The following GSTT2B variants were observed in gnomAD, a reference collection of about 807,000 sequenced individuals.
GSTT2B encodes glutathione S-transferase theta 2B, also known as glutathione S-transferase theta-2B.
Under a neutral mutation model 16.6 loss-of-function variants are expected in GSTT2B, and 4 were observed. That is an observed-to-expected ratio of 0.24 (90% CI 0.12 to 0.55). The LOEUF (loss-of-function observed/expected upper bound fraction) is 0.55. Among genes scored for constraint, GSTT2B ranks in the 20% least tolerant of loss-of-function variants. The probability of loss-of-function intolerance (pLI) is 0.94; values close to 1 mark genes in which losing one functional copy is unlikely to be tolerated. For missense variants in GSTT2B, 27 were observed against 266.1 expected, an observed-to-expected ratio of 0.10 and a Z score of 6.25; for synonymous variants, 9 against 110.9, an observed-to-expected ratio of 0.08 and a Z score of 5.77.
intron 2 of GSTT2B, among the ~76,000 whole-genome samples, chr22:23,959,505 G>A (rs1183115607): frequency 2.0e-5 from 2 of 102,198 alleles, no homozygotes; most frequent in African/African-American, 3.0e-5. Context: ...TGCTCATCCC[G>A]GTCACACCCC....
chr22:23,960,868 A>G lies in GSTT2B; in HGVS notation c.112+152T>C, dbSNP rs1450323995. On this transcript the variant is annotated intron_variant, in intron 1 of 4. Coordinates refer to ENST00000290765, the MANE Select transcript of GSTT2B (RefSeq NM_001080843.4). ...GGTTCAGAGAGGCTGTGATCCCTCC[A>G]AGGCCACTCAGTCCACAGCATTCTC... The G allele has an allele frequency of 6.7e-6, 5 of 750,392 alleles. No homozygotes were observed. The African/African-American group carries it at 8.4e-5, about 13-fold the overall frequency. The allele number at this position is 750,392 out of a possible 1,614,324, so 46.5% of individuals were successfully genotyped here. A position where few individuals can be genotyped will look rare whatever the true frequency, so the allele number is the denominator to read the frequency against.
intron 2 of GSTT2B, among the ~76,000 whole-genome samples, chr22:23,959,873 G>A (rs188790612): frequency 2.5e-5 from 2 of 81,130 alleles, no homozygotes; most frequent in African/African-American, 7.9e-5. Flanking sequence ...CACCGCGCCC[G>A]GCCTTTTTGA....
At chr22:23,959,744 A>ACT (rs1454217025) in intron 2 of GSTT2B, among the ~76,000 whole-genome samples, 27 of 97,192 alleles carry the variant, frequency 2.8e-4, no homozygotes, top group African/African-American at 3.2e-5. Context: ...CGCCCTGCTA[A>ACT]TGTTTTGTAT....
chr22:23,960,711 A>G (rs2267048), intron 1 of GSTT2B, among the ~76,000 whole-genome samples: 32,041 of 74,512 alleles, frequency 0.43, 8,272 homozygotes, highest in Non-Finnish European at 0.54. Context: ...CCTTCTTCCC[A>G]AGGTCTTCTG....
At chr22:23,960,247 G>A in intron 2 of GSTT2B, 47 bp downstream of exon 2, 1 of 1,605,622 alleles carries the variant, frequency 6.2e-7, no homozygotes, top group Non-Finnish European at 8.5e-7. Flanking sequence ...GGAGAGCCAA[G>A]GTCACATGGG....
rs1478075653 is a variant in GSTT2B at position 23,957,455 on chromosome 22, C to CA, written c.*267dup. 2 of 322,920 alleles carry CA rather than the reference C, an allele frequency of 6.2e-6. No homozygotes were observed. Among genetic ancestry groups the CA allele is most frequent in the East Asian group, 1.0e-4 (2 of 19,930 alleles). 20.0% of individuals were successfully genotyped at this position (322,920 alleles called of 1,614,324 possible). A position where few individuals can be genotyped will look rare whatever the true frequency, so the allele number is the denominator to read the frequency against. ...TTTGGAATCTTTATTCTGTTTAAAA[C>CA]ACTGATGACATTTGCCAATTTTTGA... On this transcript the variant is annotated 3_prime_UTR_variant, in exon 5 of 5. Transcript: ENST00000290765.
At chr22:23,960,193 G>A in intron 2 of GSTT2B, 101 bp downstream of exon 2, 10 of 1,397,344 alleles carry the variant, frequency 7.2e-6, no homozygotes, top group Non-Finnish European at 1.0e-5. Flanking sequence ...CTCCCTCGCT[G>A]CCCCATGGGG....
rs1322075127 is a variant in GSTT2B at position 23,960,156 on chromosome 22, C to T, written c.200+138G>A. The T allele has an allele frequency of 1.2e-4, 111 of 926,518 alleles. No individual in the cohort carries two copies. In the African/African-American group the frequency reaches 1.2e-3, roughly 10 times the overall value. The allele number at this position is 926,518 out of a possible 1,614,324, so 57.4% of individuals were successfully genotyped here. On this transcript the variant is annotated intron_variant, in intron 2 of 4. Transcript: ENST00000290765. ...CCGGGATGACAGGCGTGAGCCACCG[C>T]GCCCGGCCAGATCCCTCGCCTTTCC... is the stretch of plus-strand genomic sequence containing the variant.
chr22:23,960,206 T>C, intron 2 of GSTT2B, 88 bp downstream of exon 2: 4 of 1,494,370 alleles, frequency 2.7e-6, no homozygotes, highest in Non-Finnish European at 3.7e-6. Context: ...CCATGGGGTA[T>C]GGGAGGGCCA....
In GSTT2B at chr22:23,960,208, G is replaced by A. The variant is rs986521751; in HGVS notation, c.200+86C>T. 9 of 1,517,800 alleles carry A rather than the reference G, an allele frequency of 5.9e-6. No individual in the cohort carries two copies. The African/African-American group carries it at 1.1e-4, about 18-fold the overall frequency. The allele number at this position is 1,517,800 out of a possible 1,614,324, so 94.0% of individuals were successfully genotyped here. A position where few individuals can be genotyped will look rare whatever the true frequency, so the allele number is the denominator to read the frequency against. ...CTCCCTCGCTGCCCCATGGGGTATG[G>A]GAGGGCCACTGGGGCCCGGGGCCAG... On this transcript the variant is annotated intron_variant, in intron 2 of 4. Transcript: ENST00000290765.
chr22:23,959,677 A>T (rs2033813409), intron 2 of GSTT2B, among the ~76,000 whole-genome samples: 1 of 103,156 alleles, frequency 9.7e-6, no homozygotes, highest in Non-Finnish European at 2.3e-5. Context: ...TCCTGGGTTC[A>T]CGCCATTCTC....
Position 23,957,665 on chromosome 22 carries a change from CAAGT to C in GSTT2B, c.*54_*57del, listed in dbSNP as rs1178269405. The stretch of plus-strand genomic sequence containing the variant: ...GGCAAGAGGGAAAGATAAAAAGGGG[CAAGT>C]AAGTAACAGAATGAATCCTTGTTGC... On this transcript the variant is annotated 3_prime_UTR_variant, in exon 5 of 5. Coordinates refer to ENST00000290765, the MANE Select transcript of GSTT2B (RefSeq NM_001080843.4). 7 of 727,324 alleles carry C rather than the reference CAAGT, an allele frequency of 9.6e-6. No homozygotes were observed. Among genetic ancestry groups the C allele is most frequent in the Non-Finnish European group, 1.7e-5 (7 of 418,190 alleles). The allele number at this position is 727,324 out of a possible 1,614,324, so 45.1% of individuals were successfully genotyped here.
rs1337573341 is a variant in GSTT2B, at chr22:23,959,924, C to T, written c.200+370G>A. Among the ~76,000 whole-genome samples, 10 of 90,772 alleles carry T rather than the reference C, an allele frequency of 1.1e-4. 1 individual carries two copies. The highest frequency in any genetic ancestry group is 1.8e-4 in the Non-Finnish European group (7 of 38,258). 59.5% of individuals were successfully genotyped at this position (90,772 alleles called of 152,430 possible). A position where few individuals can be genotyped will look rare whatever the true frequency, so the allele number is the denominator to read the frequency against. On this transcript the variant is annotated intron_variant, in intron 2 of 4. Coordinates refer to ENST00000290765, the MANE Select transcript of GSTT2B (RefSeq NM_001080843.4). ...TGTCGCCCAGGCTGGAGTGCAGTGGCGCGATCTCAGCACACTGCAAGCTCC... is the reference window on the plus strand; with the variant it reads ...TGTCGCCCAGGCTGGAGTGCAGTGGTGCGATCTCAGCACACTGCAAGCTCC...
intron 2 of GSTT2B, among the ~76,000 whole-genome samples, chr22:23,959,731 C>G (rs1346243692): frequency 6.2e-4 from 62 of 100,790 alleles, no homozygotes; most frequent in African/African-American, 1.9e-3. Context: ...GCGGCCGCCA[C>G]CACGCCCTGC....
At chr22:23,959,796 C>G (rs2033815284) in intron 2 of GSTT2B, among the ~76,000 whole-genome samples, 1 of 94,050 alleles carries the variant, frequency 1.1e-5, no homozygotes, top group African/African-American at 3.5e-5. Context: ...CCAGGATGGT[C>G]TCGATCTCCT....
intron 2 of GSTT2B, among the ~76,000 whole-genome samples, chr22:23,960,010 C>A (rs1248174849): frequency 7.2e-6 from 1 of 139,818 alleles, no homozygotes; most frequent in Non-Finnish European, 1.6e-5. Context: ...ACTACAGACG[C>A]CCGCCACCAC....
chr22:23,960,100 C>T (rs1424036060), intron 2 of GSTT2B, among the ~76,000 whole-genome samples, 194 bp downstream of exon 2: 2 of 149,226 alleles, frequency 1.3e-5, no homozygotes, highest in East Asian at 2.0e-4. Flanking sequence ...CTCCTGACCT[C>T]GTGATCCGCC....
Position 23,960,299 on chromosome 22 carries a change from G to C in GSTT2B, c.195C>G (p.Thr65=), listed in dbSNP as rs364069. 2.5e-6 allele frequency: 4 copies of C among 1,612,766 alleles called. No individual in the cohort carries two copies. In the African/African-American group the frequency reaches 5.3e-5, roughly 22 times the overall value. ...PTLKDGDFIL[T]ESSAILIYLS... ...GGGTGAGGGAAGGAGGGCACCTTTC[G>C]GTCAAGATGAAATCACCATCCTTGA... The change falls in exon 2 of 5, where the codon ACC becomes ACG. Residue 65 remains threonine (T), a synonymous_variant. Transcript: ENST00000290765.
Position 23,958,362 on chromosome 22 carries a change from A to G in GSTT2B, c.448T>C (p.Phe150Leu), listed in dbSNP as rs1400798585. 7.0e-7 allele frequency: 1 copy of G among 1,438,344 alleles called. No individual in the cohort carries two copies. Among genetic ancestry groups the G allele is most frequent in the Non-Finnish European group, 9.7e-7 (1 of 1,029,734 alleles). 89.1% of individuals were successfully genotyped at this position (1,438,344 alleles called of 1,614,324 possible). The change falls in exon 4 of 5, where the codon TTC becomes CTC. Residue 150 changes from phenylalanine to leucine, a missense_variant. Transcript: ENST00000290765. ...GCGAGGAAGGGCCTGTCCCCCAGGA[A>G]CTTGTCCTCCAGCCATTGCAGGGCC... ...DQALQWLEDK[F>L]LGDRPFLAGQ...
Sources: gnomAD v4.1 joint callset for allele counts (sites outside exome capture counted in the v4.1 genomes callset) on GRCh38, gnomAD v4.1.1 for gene constraint, MANE v1.5 for transcripts, NCBI Gene and HGNC (gene_info 2026-07-23, HGNC 2026-07-21) for gene names.